KIF13B: variants seen among roughly 807,000 people sequenced by gnomAD.
The protein encoded by KIF13B is kinesin family member 13B.
In KIF13B, 127 loss-of-function variants were observed where a neutral mutation model predicts 222.0. The ratio of observed to expected loss-of-function variants is 0.57; its 90% CI spans 0.50 to 0.66. The LOEUF (loss-of-function observed/expected upper bound fraction) is 0.66, where lower values mean the gene tolerates loss of function less well. Among genes scored for constraint, KIF13B ranks in the 30% least tolerant of loss-of-function variants. KIF13B has a pLI of 0.00. For synonymous variants in KIF13B, 976 were observed against 919.0 expected (o/e 1.06, Z -1.12); for missense variants, 2,173 against 2,379.0 (o/e 0.91, Z 1.80).
intron 13 of KIF13B, among the ~76,000 whole-genome samples, chr8:29,159,713 C>T (rs1053598024): frequency 1.3e-5 from 2 of 152,090 alleles, no homozygotes; most frequent in African/African-American, 2.4e-5. Flanking sequence ...CCAGCTTTGC[C>T]GCCACTGAAC....
At chr8:29,134,254 C>A in intron 21 of KIF13B, 44 bp from the exon 22 acceptor site, 1 of 1,589,776 alleles carries the variant, frequency 6.3e-7, no homozygotes, top group South Asian at 1.1e-5. Context: ...CTGAGGGTTC[C>A]AACAAGCATT....
In KIF13B at chr8:29,161,925, T is replaced by C. The variant is rs1811801302; in HGVS notation, c.1270-1058A>G. On this transcript the variant is annotated intron_variant, in intron 12 of 39. Transcript: ENST00000524189. Reference sequence around the variant, plus strand: ...AGCACTTAGCACAGTGAAGGACACATGGTGAGCACTCAAAACATCAGTGTG... The same window carrying C: ...AGCACTTAGCACAGTGAAGGACACACGGTGAGCACTCAAAACATCAGTGTG... 3.3e-5 allele frequency among the ~76,000 whole-genome samples: 5 copies of C among 152,274 alleles called. No individual in the cohort carries two copies. The South Asian group carries it at 8.3e-4, about 25-fold the overall frequency.
At position 29,068,993 on chromosome 8, in the gene KIF13B, CTCG is replaced by C. The variant is rs1323761276; in HGVS notation, c.*1508_*1510del. 2.6e-5 allele frequency: 4 copies of C among 152,304 alleles called. No homozygotes were observed. In the East Asian group the frequency reaches 7.7e-4, roughly 29 times the overall value. The allele number at this position is 152,304 out of a possible 1,614,324, so 9.4% of individuals were successfully genotyped here. A position where few individuals can be genotyped will look rare whatever the true frequency, so the allele number is the denominator to read the frequency against. ...ACTGGGGAGAGAAAGACAACCTGTC[CTCG>C]CAGCCAGGGCTGGGACAGGCCCACC... On this transcript the variant is annotated 3_prime_UTR_variant, in exon 40 of 40. Coordinates refer to ENST00000524189, the MANE Select transcript of KIF13B (RefSeq NM_015254.4). This position sits in a 1 kb window ranked among gnomAD's most constrained non-coding sequence, Gnocchi z 4.4.
chr8:29,071,705 G>A lies in KIF13B; in HGVS notation c.5133C>T (p.Ala1711=). ...CGTATCTCACCACGCCCGTTTTGTG[G>A]GCGCCCACGGTGACGAACTCGCCCT... ...LREGEFVTVG[A]HKTGVVRYVG... is the part of the protein sequence containing the mutation. Residue 1711 remains alanine (A), a synonymous_variant, in exon 39 of 40, where the codon GCC becomes GCT. Coordinates refer to ENST00000524189, the MANE Select transcript of KIF13B (RefSeq NM_015254.4). The surrounding 1 kb of genome is among the most constrained non-coding windows in gnomAD (Gnocchi z 4.9). 1 of 1,551,080 alleles carries A rather than the reference G, an allele frequency of 6.4e-7. No individual in the cohort carries two copies. The highest frequency in any genetic ancestry group is 8.7e-7 in the Non-Finnish European group (1 of 1,147,218).
chr8:29,193,029 C>T (rs892865113), intron 3 of KIF13B, among the ~76,000 whole-genome samples: 4 of 152,116 alleles, frequency 2.6e-5, no homozygotes, highest in Admixed American at 6.5e-5. Context: ...TGGCAGCAAC[C>T]GAGAGGACGA....
At chr8:29,183,095 C>T (rs952912606) in intron 6 of KIF13B, among the ~76,000 whole-genome samples, 1 of 150,768 alleles carries the variant, frequency 6.6e-6, no homozygotes, top group Non-Finnish European at 1.5e-5. Context: ...TTTTAAATCA[C>T]GAATGTGTGT....
At chr8:29,117,055 A>G (rs746724055) in intron 30 of KIF13B, 48 bp from the exon 31 acceptor site, 2 of 1,494,726 alleles carry the variant, frequency 1.3e-6, no homozygotes, top group East Asian at 2.3e-5. Context: ...CTCCAGAAAC[A>G]TGAAAACTCT....
chr8:29,129,774 T>G (rs2129814259), intron 24 of KIF13B, among the ~76,000 whole-genome samples: 1 of 152,358 alleles, frequency 6.6e-6, no homozygotes, highest in African/African-American at 2.4e-5. Flanking sequence ...TTCTCTGCTC[T>G]GTGGATTCTG....
At chr8:29,152,234 T>A (rs1008595560) in intron 14 of KIF13B, among the ~76,000 whole-genome samples, 1 of 152,204 alleles carries the variant, frequency 6.6e-6, no homozygotes, top group Non-Finnish European at 1.5e-5. Flanking sequence ...TGAGATGGAA[T>A]CTACTCCTGG....
chr8:29,228,464 C>CT (rs1330534345), intron 2 of KIF13B, among the ~76,000 whole-genome samples: 1 of 23,054 alleles, frequency 4.3e-5, no homozygotes, highest in Non-Finnish European at 1.5e-4. Flanking sequence ...CAGACTCCAT[C>CT]TTAAAAAAAT....
intron 2 of KIF13B, among the ~76,000 whole-genome samples, chr8:29,235,222 G>A (rs557475697): frequency 2.6e-5 from 4 of 152,234 alleles, no homozygotes; most frequent in South Asian, 2.1e-4. Flanking sequence ...AAAGATTGTC[G>A]TCAAAGTGAC....
At chr8:29,110,456 CTGG>C in intron 32 of KIF13B, 1 of 234,732 alleles carries the variant, frequency 4.3e-6, no homozygotes, top group South Asian at 5.3e-5. Context: ...GGAAGAGGGG[CTGG>C]GGTGACTGCT....
chr8:29,234,245 G>A (rs1351489081), intron 2 of KIF13B, among the ~76,000 whole-genome samples: 2 of 152,030 alleles, frequency 1.3e-5, no homozygotes, highest in Admixed American at 1.3e-4. Context: ...ACTCACAAGA[G>A]GAAAAAGGTA....
At chr8:29,175,521 GAATC>G (rs1367017468) in intron 10 of KIF13B, among the ~76,000 whole-genome samples, 1 of 152,172 alleles carries the variant, frequency 6.6e-6, no homozygotes, top group Admixed American at 6.5e-5. Context: ...TGTTCATACT[GAATC>G]AATCAATGAA....
chr8:29,165,916 T>C, intron 11 of KIF13B, 144 bp from the exon 12 acceptor site: 1 of 671,322 alleles, frequency 1.5e-6, no homozygotes, highest in Non-Finnish European at 2.5e-6. Context: ...CGATTGTAGA[T>C]CGAAGTACCT....
intron 18 of KIF13B, 43 bp from the exon 19 acceptor site, chr8:29,142,346 C>A (rs375232003): frequency 2.6e-6 from 4 of 1,565,068 alleles, no homozygotes; most frequent in Non-Finnish European, 3.5e-6. Context: ...ACACAGGCAG[C>A]GGGGAAGTCA....
intron 8 of KIF13B, among the ~76,000 whole-genome samples, chr8:29,178,480 T>C (rs949594298): frequency 1.3e-5 from 2 of 152,136 alleles, no homozygotes; most frequent in African/African-American, 2.4e-5. Flanking sequence ...AGCACATACA[T>C]GTAACATACT....
chr8:29,140,746 G>A, intron 19 of KIF13B, 129 bp from the exon 20 acceptor site: 1 of 859,020 alleles, frequency 1.2e-6, no homozygotes. Flanking sequence ...GTATTTTTTA[G>A]AGTAAAACAT....
chr8:29,152,608 AT>A (rs1563744800), intron 14 of KIF13B, among the ~76,000 whole-genome samples: 1 of 112,212 alleles, frequency 8.9e-6, no homozygotes, highest in Non-Finnish European at 1.8e-5. Flanking sequence ...CAGAGTTTTA[AT>A]TAAAAAAAAA....
Sources: allele counts gnomAD v4.1 joint callset (sites outside exome capture counted in the v4.1 genomes callset), GRCh38; gene constraint gnomAD v4.1.1; non-coding constraint Gnocchi (gnomAD v3.1); transcripts MANE v1.5; gene names NCBI Gene and HGNC (gene_info 2026-07-23, HGNC 2026-07-21).